Variants in FAM184B observed in about 807,000 individuals in gnomAD.
The protein encoded by FAM184B is family with sequence similarity 184 member B.
A neutral mutation model predicts 135.9 loss-of-function variants in FAM184B; 111 were observed. That is an observed-to-expected ratio of 0.82 (90% CI 0.70 to 0.96). The LOEUF is 0.96. FAM184B is among the 40% of genes least tolerant of loss of function. FAM184B has a pLI of 0.00. For synonymous variants in FAM184B, 552 were observed against 524.8 expected (o/e 1.05, Z -0.71); for missense variants, 1,375 against 1,323.9 (o/e 1.04, Z -0.60).
chr4:17,744,758 C>T (rs373056768), intron 1 of FAM184B, among the ~76,000 whole-genome samples: 4 of 152,050 alleles, frequency 2.6e-5, no homozygotes, highest in African/African-American at 9.6e-5. Flanking sequence ...CCACCAACTG[C>T]CCTAGTTCCT....
At position 17,630,773 on chromosome 4, in the gene FAM184B, A is replaced by C. The variant is rs1301508873; in HGVS notation, c.*1759T>G. On this transcript the variant is annotated 3_prime_UTR_variant, in exon 18 of 18. Coordinates refer to ENST00000265018, the MANE Select transcript of FAM184B (RefSeq NM_015688.2). ...ATACGTAAGTTTGACAGTTATATGTAATCAGCTTTTTTTTTTTTAAGATGG... is the reference window on the plus strand; with the variant it reads ...ATACGTAAGTTTGACAGTTATATGTCATCAGCTTTTTTTTTTTTAAGATGG... 8.7e-6 allele frequency: 1 copy of C among 114,338 alleles called. No individual in the cohort carries two copies. Among genetic ancestry groups the C allele is most frequent in the Non-Finnish European group, 1.9e-5 (1 of 51,506 alleles). The allele number at this position is 114,338 out of a possible 1,614,324, so 7.1% of individuals were successfully genotyped here.
intron 7 of FAM184B, among the ~76,000 whole-genome samples, chr4:17,682,084 G>T (rs1221958272): frequency 6.6e-6 from 1 of 152,138 alleles, no homozygotes; most frequent in African/African-American, 2.4e-5. Context: ...TATTTATAGA[G>T]ACGAGATGAC....
chr4:17,661,150 T>G (rs544026428), intron 8 of FAM184B, among the ~76,000 whole-genome samples: 101 of 152,310 alleles, frequency 6.6e-4, no homozygotes, highest in South Asian at 2.1e-3. Flanking sequence ...GGCCTGATCT[T>G]CCTCCTCTAT....
chr4:17,773,474 G>A (rs1718862971), intron 1 of FAM184B, among the ~76,000 whole-genome samples: 2 of 152,170 alleles, frequency 1.3e-5, no homozygotes, highest in African/African-American at 2.4e-5. Flanking sequence ...TTCTTCCTGG[G>A]TACATTTCCT....
intron 1 of FAM184B, among the ~76,000 whole-genome samples, chr4:17,741,161 C>T (rs1718023973): frequency 6.6e-6 from 1 of 152,172 alleles, no homozygotes; most frequent in Non-Finnish European, 1.5e-5. Flanking sequence ...ATCAAGCTAA[C>T]ATTCTAGTGG....
chr4:17,677,379 G>T (rs1716336277), intron 7 of FAM184B, among the ~76,000 whole-genome samples: 1 of 152,136 alleles, frequency 6.6e-6, no homozygotes, highest in Non-Finnish European at 1.5e-5. Context: ...AGCAATACTT[G>T]TTTCAATTGC....
chr4:17,711,404 G>A (rs1231284033), intron 1 of FAM184B, among the ~76,000 whole-genome samples: 1 of 152,114 alleles, frequency 6.6e-6, no homozygotes, highest in African/African-American at 2.4e-5. Flanking sequence ...CTTGAACCTG[G>A]GAGGTGGAGG....
At chr4:17,665,385 C>G (rs1012503462) in intron 7 of FAM184B, among the ~76,000 whole-genome samples, 1 of 152,128 alleles carries the variant, frequency 6.6e-6, no homozygotes, top group Non-Finnish European at 1.5e-5. Context: ...TGAAAAAGAC[C>G]TTGTTATTTT....
At chr4:17,655,737 G>A (rs1860598) in intron 10 of FAM184B, among the ~76,000 whole-genome samples, 89,078 of 152,014 alleles carry the variant, frequency 0.59, 26,867 homozygotes, top group East Asian at 0.88. Context: ...GCAGCTCTGC[G>A]TGATGGCAGC....
intron 7 of FAM184B, among the ~76,000 whole-genome samples, chr4:17,665,786 A>C (rs1233148464): frequency 6.6e-6 from 1 of 152,192 alleles, no homozygotes; most frequent in Non-Finnish European, 1.5e-5. Context: ...CACATTGCCA[A>C]ATCCAATGGT....
At chr4:17,653,344 A>G (rs985236254) in intron 10 of FAM184B, among the ~76,000 whole-genome samples, 2 of 152,204 alleles carry the variant, frequency 1.3e-5, no homozygotes, top group African/African-American at 4.8e-5. Context: ...CACTAAGGTA[A>G]CTATCTGACA....
intron 8 of FAM184B, among the ~76,000 whole-genome samples, chr4:17,663,231 C>G (rs965455453): frequency 2.6e-5 from 4 of 152,180 alleles, no homozygotes; most frequent in African/African-American, 9.7e-5. Flanking sequence ...GCCACCATGC[C>G]CGGCCTCACA....
chr4:17,660,872 C>T (rs1715902686), intron 8 of FAM184B, among the ~76,000 whole-genome samples: 2 of 151,978 alleles, frequency 1.3e-5, no homozygotes, highest in South Asian at 2.1e-4. Flanking sequence ...GGACATCAGG[C>T]CAGAGCTCCA....
intron 1 of FAM184B, among the ~76,000 whole-genome samples, chr4:17,713,720 A>G (rs971343464): frequency 6.6e-6 from 1 of 152,168 alleles, no homozygotes; most frequent in Admixed American, 6.5e-5. Flanking sequence ...CGTTCTACAC[A>G]TGGTGCCACA....
Position 17,781,374 on chromosome 4 carries a change from G to A in FAM184B, c.-75C>T. On this transcript the variant is annotated 5_prime_UTR_variant, in exon 1 of 18. Coordinates refer to ENST00000265018, the MANE Select transcript of FAM184B (RefSeq NM_015688.2). This position sits in a 1 kb window ranked among gnomAD's most constrained non-coding sequence, Gnocchi z 6.5. ...CGTGTGCACGTGCGTGCGCGCGCGG[G>A]CGTGCGAGCGTGTGGGTTTCTCGGG... The A allele has an allele frequency of 7.1e-7, 1 of 1,399,510 alleles. No individual in the cohort carries two copies. The highest frequency in any genetic ancestry group is 9.3e-7 in the Non-Finnish European group (1 of 1,071,294). 86.7% of individuals were successfully genotyped at this position (1,399,510 alleles called of 1,614,324 possible). A position where few individuals can be genotyped will look rare whatever the true frequency, so the allele number is the denominator to read the frequency against.
At chr4:17,728,322 G>A (rs1018505246) in intron 1 of FAM184B, among the ~76,000 whole-genome samples, 4 of 152,130 alleles carry the variant, frequency 2.6e-5, no homozygotes, top group Non-Finnish European at 5.9e-5. Context: ...AGGAGGTTGA[G>A]GCTGCAGTGA....
At chr4:17,765,251 A>G (rs73800391) in intron 1 of FAM184B, among the ~76,000 whole-genome samples, 2,968 of 152,168 alleles carry the variant, frequency 0.02, 86 homozygotes, top group African/African-American at 0.068. Context: ...TAATCACTAC[A>G]TATTTCTTTT....
intron 1 of FAM184B, among the ~76,000 whole-genome samples, chr4:17,745,240 C>A (rs745436367): frequency 1.3e-5 from 2 of 152,196 alleles, no homozygotes; most frequent in African/African-American, 4.8e-5. Context: ...TGCTACTAAC[C>A]GTGATCATGA....
intron 1 of FAM184B, among the ~76,000 whole-genome samples, chr4:17,773,938 GT>G (rs1221356025): frequency 6.6e-6 from 1 of 152,140 alleles, no homozygotes. Flanking sequence ...TCATTTTCTT[GT>G]TTTAATACAA....
Sources: gnomAD v4.1 joint callset for allele counts (sites outside exome capture counted in the v4.1 genomes callset) on GRCh38, gnomAD v4.1.1 for gene constraint, Gnocchi (gnomAD v3.1) non-coding constraint, MANE v1.5 for transcripts, NCBI Gene and HGNC (gene_info 2026-07-23, HGNC 2026-07-21) for gene names.